The following COQ6 variants were observed in gnomAD, a reference collection of about 807,000 sequenced individuals.
COQ6 encodes coenzyme Q6, monooxygenase, also known as ubiquinone biosynthesis monooxygenase COQ6, mitochondrial.
COQ6 carries 45 observed loss-of-function variants against 55.5 expected under a neutral mutation model. The ratio of observed to expected loss-of-function variants is 0.81; its 90% CI spans 0.64 to 1.04. The LOEUF (loss-of-function observed/expected upper bound fraction) is 1.04, where lower values mean the gene tolerates loss of function less well. Ranked by LOEUF, COQ6 falls within the 50% of genes least tolerant of loss-of-function variation. The pLI is 0.00. For missense variants in COQ6, 550 were observed against 601.3 expected, an observed-to-expected ratio of 0.91 and a Z score of 0.89; for synonymous variants, 206 against 230.5, an observed-to-expected ratio of 0.89 and a Z score of 0.96.
chr14:73,962,775 C>G (rs1228778263), intron 11 of COQ6, 195 bp from the exon 12 acceptor site: 1 of 608,790 alleles, frequency 1.6e-6, no homozygotes, highest in Admixed American at 2.9e-5. Context: ...TATGATCACA[C>G]CACTGCACTC....
chr14:73,959,641 C>T (rs2056617618), intron 8 of COQ6, 119 bp downstream of exon 8: 3 of 1,546,846 alleles, frequency 1.9e-6, no homozygotes, highest in African/African-American at 1.4e-5. Flanking sequence ...GATCTTGGCT[C>T]ACTGTGCAAT....
In COQ6 at chr14:73,953,567, G is replaced by A; in HGVS notation, c.296G>A (p.Ser99Asn). The change falls in exon 2 of 12, where the codon AGT becomes AAT. Residue 99 changes from serine (S) to asparagine (N), a missense_variant and splice_region_variant. Transcript: ENST00000334571. ...SISPGSATLL[S>N]SFGAWDHICN... ...TCCCCTGGCTCTGCAACGCTTCTCA[G>A]TAGTGAGTAGAAGATCCTCCTTCAA... is the stretch of plus-strand genomic sequence containing the variant. 1 of 1,614,214 alleles carries A rather than the reference G, an allele frequency of 6.2e-7. No individual in the cohort carries two copies. The highest frequency in any genetic ancestry group is 1.1e-5 in the South Asian group (1 of 91,086).
intron 7 of COQ6, 24 bp from the exon 8 acceptor site, chr14:73,959,391 G>T: frequency 6.2e-7 from 1 of 1,614,136 alleles, no homozygotes; most frequent in South Asian, 1.1e-5. Flanking sequence ...CTTAGCCGTT[G>T]GTATTGGTGT....
At chr14:73,956,947 G>A (rs1365135740) in intron 4 of COQ6, among the ~76,000 whole-genome samples, 6 of 152,104 alleles carry the variant, frequency 3.9e-5, no homozygotes, top group Non-Finnish European at 8.8e-5. Flanking sequence ...GATCACACTT[G>A]TGTGTGCATG....
chr14:73,951,663 T>G (rs1490584859), intron 1 of COQ6, among the ~76,000 whole-genome samples: 1 of 150,706 alleles, frequency 6.6e-6, no homozygotes, highest in African/African-American at 2.4e-5. Context: ...TTTTTTTTTT[T>G]TTAGCTCATC....
In COQ6 at chr14:73,953,526, C is replaced by T. The variant is rs1182510860; in HGVS notation, c.255C>T (p.Asn85=). ...VLEKLSETYS[N]RVSSISPGSA... ...AGAAATTGTCAGAAACTTACAGCAA[C>T]AGGGTCAGCTCCATTTCCCCTGGCT... Residue 85 remains asparagine (N), a synonymous_variant, in exon 2 of 12, where the codon AAC becomes AAT. Transcript: ENST00000334571. 6.2e-7 allele frequency: 1 copy of T among 1,614,158 alleles called. No homozygotes were observed. The highest frequency in any genetic ancestry group is 8.5e-7 in the Non-Finnish European group (1 of 1,180,022).
Position 73,959,097 on chromosome 14 carries a change from A to T in COQ6, c.720+19A>T. 6.2e-7 allele frequency: 1 copy of T among 1,614,180 alleles called. No individual in the cohort carries two copies. The highest frequency in any genetic ancestry group is 8.5e-7 in the Non-Finnish European group (1 of 1,180,014). ...ATCAGAGGTAAGATCCTGAGCTGCC[A>T]TCTGGGGACTTTATTCATAGGCACT... On this transcript the variant is annotated intron_variant, in intron 6 of 11. Transcript: ENST00000334571.
intron 2 of COQ6, among the ~76,000 whole-genome samples, chr14:73,954,843 CAAAA>C (rs1216623718): frequency 3.6e-5 from 2 of 56,312 alleles, no homozygotes; most frequent in Non-Finnish European, 7.1e-5. Flanking sequence ...GATTCCGTCT[CAAAA>C]AAAAAAAAAA....
chr14:73,960,446 A>G (rs2056663466), intron 8 of COQ6: 2 of 989,300 alleles, frequency 2.0e-6, no homozygotes, highest in African/African-American at 3.5e-5. Context: ...CCTTCACACC[A>G]AAGACTCCAC....
At chr14:73,950,170 G>A (rs774458748), upstream of COQ6, 4 of 1,577,178 alleles carry the variant, frequency 2.5e-6, no homozygotes, top group African/African-American at 4.1e-5. Context: ...CATCCCGCCC[G>A]AGGAGGCAAG....
At chr14:73,960,791 G>A (rs1013567797) in intron 8 of COQ6, 14 of 373,260 alleles carry the variant, frequency 3.8e-5, no homozygotes, top group East Asian at 2.9e-4. Context: ...AAGAGGCGAC[G>A]TCTTCTGGAT....
At chr14:73,950,035 G>C (rs368681902), upstream of COQ6, 23 of 1,611,834 alleles carry the variant, frequency 1.4e-5, no homozygotes, top group Non-Finnish European at 1.9e-5. Flanking sequence ...ATTTCAGCTG[G>C]ACAGAGGCAG....
Position 73,957,083 on chromosome 14 carries a change from CTTATTA to C in COQ6, c.482-1049_482-1044del, listed in dbSNP as rs1050220117. Among the ~76,000 whole-genome samples, 79 of 149,300 alleles carry C rather than the reference CTTATTA, an allele frequency of 5.3e-4. 1 individual carries two copies. The highest frequency in any genetic ancestry group is 3.5e-3 in the Middle Eastern group (1 of 288). The stretch of plus-strand genomic sequence containing the variant: ...TTGTTGTCCAGACTTCTACAGCGAG[CTTATTA>C]TTATTATTATTATTTTTTTTTTTTT... On this transcript the variant is annotated intron_variant, in intron 4 of 11. Transcript: ENST00000334571.
chr14:73,962,092 C>T (rs937360201), intron 11 of COQ6, among the ~76,000 whole-genome samples, 189 bp downstream of exon 11: 2 of 151,982 alleles, frequency 1.3e-5, no homozygotes, highest in African/African-American at 4.8e-5. Flanking sequence ...GGATTACAGG[C>T]GCCCACCACC....
At chr14:73,950,239 C>G, upstream of COQ6, 1 of 1,538,536 alleles carries the variant, frequency 6.5e-7, no homozygotes, top group East Asian at 2.4e-5. Flanking sequence ...CTGAGGACGC[C>G]GCGGAAGCGG....
At chr14:73,956,127 A>G (rs1398175619) in intron 4 of COQ6, 199 bp downstream of exon 4, 6 of 577,290 alleles carry the variant, frequency 1.0e-5, no homozygotes, top group East Asian at 3.6e-5. Context: ...GATGGAGACC[A>G]TCCTGGCTAA....
chr14:73,949,935 G>A (rs760269505), upstream of COQ6: 9 of 1,610,788 alleles, frequency 5.6e-6, no homozygotes, highest in African/African-American at 8.0e-5. Flanking sequence ...TCCTCTCCGG[G>A]ATTCCTTTCC....
chr14:73,950,946 AC>A (rs1475314203), intron 1 of COQ6, among the ~76,000 whole-genome samples: 1 of 152,176 alleles, frequency 6.6e-6, no homozygotes, highest in Admixed American at 6.5e-5. Context: ...GCCTATTCAG[AC>A]CCTTTGCCCG....
intron 8 of COQ6, chr14:73,960,223 A>G (rs747172830): frequency 2.0e-6 from 2 of 987,336 alleles, no homozygotes; most frequent in Non-Finnish European, 2.4e-6. Flanking sequence ...AGCTTAGTAG[A>G]TAGATGTGGG....
Sources: allele counts gnomAD v4.1 joint callset (sites outside exome capture counted in the v4.1 genomes callset), GRCh38; gene constraint gnomAD v4.1.1; transcripts MANE v1.5; gene names NCBI Gene and HGNC (gene_info 2026-07-23, HGNC 2026-07-21).